Variants in GINS1 observed in about 807,000 individuals in gnomAD.
The protein encoded by GINS1 is DNA replication complex GINS protein PSF1.
In GINS1, 26 loss-of-function variants were observed where a neutral mutation model predicts 34.9. The observed-to-expected ratio is 0.74, with a 90% CI of 0.55 to 1.03. GINS1 has a LOEUF of 1.03. Ranked by LOEUF, GINS1 falls within the 50% of genes least tolerant of loss-of-function variation. The pLI, the probability that GINS1 is intolerant of heterozygous loss-of-function variation, is 0.00. For synonymous variants in GINS1, 97 were observed against 84.4 expected (o/e 1.15, Z -0.82); for missense variants, 235 against 237.9 (o/e 0.99, Z 0.08).
At chr20:25,411,644 A>G (rs2090285809) in intron 1 of GINS1, among the ~76,000 whole-genome samples, 1 of 152,022 alleles carries the variant, frequency 6.6e-6, no homozygotes, top group Non-Finnish European at 1.5e-5. Flanking sequence ...ACCAAAAAAA[A>G]AAAGATTACA....
At chr20:25,441,858 A>G in intron 6 of GINS1, 82 bp downstream of exon 6, 1 of 715,264 alleles carries the variant, frequency 1.4e-6, no homozygotes, top group Non-Finnish European at 2.5e-6. Flanking sequence ...AATAAATATC[A>G]ACTTTTGATG....
At position 25,407,748 on chromosome 20, in the gene GINS1, G is replaced by T. The variant is rs1366884081; in HGVS notation, c.-73G>T. ...AGGACTAGAACGAAAGGAGTGAGGCGCCGAGAGCCCAGATACCATTTTGGC... is the reference window on the plus strand; with the variant it reads ...AGGACTAGAACGAAAGGAGTGAGGCTCCGAGAGCCCAGATACCATTTTGGC... On this transcript the variant is annotated 5_prime_UTR_variant, in exon 1 of 7. Transcript: ENST00000262460. The T allele has an allele frequency of 3.5e-6, 4 of 1,157,164 alleles. No individual in the cohort carries two copies. The African/African-American group carries it at 4.6e-5, about 13-fold the overall frequency. 71.7% of individuals were successfully genotyped at this position (1,157,164 alleles called of 1,614,324 possible). A position where few individuals can be genotyped will look rare whatever the true frequency, so the allele number is the denominator to read the frequency against.
At chr20:25,415,922 G>A (rs932717454) in intron 2 of GINS1, among the ~76,000 whole-genome samples, 1 of 152,190 alleles carries the variant, frequency 6.6e-6, no homozygotes, top group African/African-American at 2.4e-5. Flanking sequence ...TAGGGAGGCA[G>A]TGACTGTGGG....
intron 1 of GINS1, among the ~76,000 whole-genome samples, chr20:25,410,948 C>G (rs1286241888): frequency 6.6e-6 from 1 of 152,112 alleles, no homozygotes; most frequent in Non-Finnish European, 1.5e-5. Flanking sequence ...TTTCTATATG[C>G]AGAATTGATA....
intron 2 of GINS1, among the ~76,000 whole-genome samples, chr20:25,415,229 G>A (rs144922269): frequency 0.011 from 1,621 of 152,318 alleles, 73 homozygotes; most frequent in Admixed American, 0.078. Context: ...ATCTTTACAG[G>A]TGGACTGAGG....
At chr20:25,438,025 G>T (rs2090463026) in intron 5 of GINS1, among the ~76,000 whole-genome samples, 2 of 151,408 alleles carry the variant, frequency 1.3e-5, no homozygotes, top group Admixed American at 1.3e-4. Context: ...AATTTGAGGC[G>T]GGAGAATCGC....
chr20:25,412,725 T>A (rs1457906149), intron 1 of GINS1, among the ~76,000 whole-genome samples: 1 of 152,206 alleles, frequency 6.6e-6, no homozygotes, highest in African/African-American at 2.4e-5. Context: ...ATGTACATCT[T>A]TATAACCAGC....
intron 4 of GINS1, among the ~76,000 whole-genome samples, chr20:25,421,323 G>T (rs1158043252): frequency 1.3e-5 from 2 of 152,084 alleles, no homozygotes; most frequent in African/African-American, 2.4e-5. Context: ...GTTGACTCAG[G>T]CTAGCAATAA....
intron 1 of GINS1, among the ~76,000 whole-genome samples, chr20:25,409,752 T>G (rs2090271701): frequency 6.6e-6 from 1 of 152,220 alleles, no homozygotes; most frequent in African/African-American, 2.4e-5. Context: ...GTCAATTGTT[T>G]TTTCAACTTC....
chr20:25,410,340 C>CA (rs951196192), intron 1 of GINS1, among the ~76,000 whole-genome samples: 201 of 128,018 alleles, frequency 1.6e-3, no homozygotes, highest in Middle Eastern at 4.1e-3. Context: ...GACTCCGCCT[C>CA]AAAAAAAAAA....
intron 4 of GINS1, among the ~76,000 whole-genome samples, chr20:25,423,718 ATTC>A (rs908612224): frequency 4.8e-5 from 7 of 146,556 alleles, no homozygotes; most frequent in African/African-American, 1.8e-4. Flanking sequence ...GGTTCATGCC[ATTC>A]TTCTTCCTCA....
intron 5 of GINS1, among the ~76,000 whole-genome samples, chr20:25,433,418 G>A (rs1028971402): frequency 3.9e-5 from 6 of 151,964 alleles, no homozygotes; most frequent in Non-Finnish European, 8.8e-5. Flanking sequence ...TATGGTATTT[G>A]AATAGTACCT....
intron 5 of GINS1, among the ~76,000 whole-genome samples, chr20:25,432,873 T>C (rs2090435132): frequency 6.7e-6 from 1 of 148,510 alleles, no homozygotes; most frequent in Non-Finnish European, 1.5e-5. Flanking sequence ...TATTAACTTA[T>C]ATAATAACAT....
chr20:25,445,575 C>T (rs2090507387), intron 6 of GINS1, among the ~76,000 whole-genome samples: 1 of 152,182 alleles, frequency 6.6e-6, no homozygotes, highest in Non-Finnish European at 1.5e-5. Context: ...TCTTGATCTC[C>T]TGACCTCGTG....
intron 5 of GINS1, among the ~76,000 whole-genome samples, chr20:25,434,011 G>T (rs148368952): frequency 5.0e-4 from 76 of 152,154 alleles, no homozygotes; most frequent in South Asian, 4.2e-3. Context: ...GCTGGGGGTG[G>T]TGGCTCTTAT....
At chr20:25,422,571 AC>A (rs1467666812) in intron 4 of GINS1, among the ~76,000 whole-genome samples, 1 of 152,150 alleles carries the variant, frequency 6.6e-6, no homozygotes, top group African/African-American at 2.4e-5. Flanking sequence ...AGCCTGGGTG[AC>A]AGTGAGACCC....
At chr20:25,428,138 G>T (rs761093723) in intron 5 of GINS1, among the ~76,000 whole-genome samples, 5 of 152,002 alleles carry the variant, frequency 3.3e-5, no homozygotes, top group Non-Finnish European at 7.4e-5. Flanking sequence ...CTCCCAAAGT[G>T]CAGGGATTAC....
Position 25,448,543 on chromosome 20 carries a change from GT to G in GINS1, c.*2556del, listed in dbSNP as rs1386348442. 1 of 152,196 alleles carries G rather than the reference GT, an allele frequency of 6.6e-6. No individual in the cohort carries two copies. Among genetic ancestry groups the G allele is most frequent in the Non-Finnish European group, 1.5e-5 (1 of 68,018 alleles). The allele number at this position is 152,196 out of a possible 1,614,324, so 9.4% of individuals were successfully genotyped here. On this transcript the variant is annotated 3_prime_UTR_variant, in exon 7 of 7. Transcript: ENST00000262460. ...CAGTCATGTGTTCTATGAATAAAGA[GT>G]TTTACTCCTTCCTTTCTAATCTGAA... is the stretch of plus-strand genomic sequence containing the variant.
At chr20:25,410,505 G>T (rs553123979) in intron 1 of GINS1, among the ~76,000 whole-genome samples, 1 of 152,294 alleles carries the variant, frequency 6.6e-6, no homozygotes, top group African/African-American at 2.4e-5. Flanking sequence ...CGACTCAGCG[G>T]CACAGAGGAA....
Sources: gnomAD v4.1 joint callset for allele counts (sites outside exome capture counted in the v4.1 genomes callset) on GRCh38, gnomAD v4.1.1 for gene constraint, MANE v1.5 for transcripts, NCBI Gene and HGNC (gene_info 2026-07-23, HGNC 2026-07-21) for gene names.